PRH1: variants seen among roughly 807,000 people sequenced by gnomAD.
PRH1 encodes salivary acidic proline-rich phosphoprotein 1/2.
PRH1 carries 7 observed loss-of-function variants against 7.9 expected under a neutral mutation model. The ratio of observed to expected loss-of-function variants is 0.89; its 90% confidence interval spans 0.50 to 1.67. The LOEUF (loss-of-function observed/expected upper bound fraction) is 1.67. PRH1 is among the 40% of genes most tolerant of loss of function. The pLI is 0.00. For synonymous variants in PRH1, 45 were observed against 80.8 expected, an observed-to-expected ratio of 0.56 and a Z score of 2.38; for missense variants, 109 against 223.6, an observed-to-expected ratio of 0.49 and a Z score of 3.27.
rs778022556 is a variant in PRH1 at position 11,140,827 on chromosome 12, G to A, written n.40-19647C>T. Among the ~76,000 whole-genome samples, 12 of 152,228 alleles carry A rather than the reference G, an allele frequency of 7.9e-5. 1 individual carries two copies. In the Middle Eastern group the frequency reaches 0.01, roughly 129 times the overall value. On this transcript the variant is annotated intron_variant and non_coding_transcript_variant, in intron 1 of 1. Transcript: ENST00000541175. ...CCAATACATATATGACACATTGGTT[G>A]TATAGCCTGGTGAATGGAGCTTGAG... is the stretch of plus-strand genomic sequence containing the variant.
At chr12:11,150,308 T>C (rs1393452631) in intron 1 of PRH1, among the ~76,000 whole-genome samples, 10 of 152,004 alleles carry the variant, frequency 6.6e-5, no homozygotes, top group Non-Finnish European at 1.2e-4. Flanking sequence ...GACCCAGCCA[T>C]CCCATTACTG....
intron 2 of PRH1, among the ~76,000 whole-genome samples, chr12:10,922,844 C>T (rs1283650464): frequency 3.0e-5 from 1 of 33,468 alleles, no homozygotes; most frequent in Non-Finnish European, 9.1e-5. Context: ...TTTTTTGAGA[C>T]GGAGTCTCGC....
intron 1 of PRH1, among the ~76,000 whole-genome samples, chr12:11,020,877 A>G (rs750120407): frequency 1.6e-4 from 24 of 152,316 alleles, no homozygotes; most frequent in Admixed American, 4.6e-4. Context: ...ACTTGACATC[A>G]GATGTCAACT....
chr12:11,083,068 C>T (rs1245518984), intron 1 of PRH1, among the ~76,000 whole-genome samples: 1 of 116,426 alleles, frequency 8.6e-6, no homozygotes, highest in Non-Finnish European at 2.0e-5. Context: ...CATGTGTACA[C>T]ATGCATGGTA....
chr12:11,061,576 A>G, intron 1 of PRH1: 1 of 1,614,102 alleles, frequency 6.2e-7, no homozygotes, highest in Non-Finnish European at 8.5e-7. Flanking sequence ...CAGAAAGTAA[A>G]TGGCACATAA....
intron 1 of PRH1, chr12:10,986,342 A>G: frequency 6.2e-7 from 1 of 1,613,988 alleles, no homozygotes; most frequent in Admixed American, 1.7e-5. Flanking sequence ...AATATGAAAG[A>G]TGTACTGTAT....
intron 1 of PRH1, chr12:11,133,781 G>A (rs1304935806): frequency 5.6e-6 from 9 of 1,613,982 alleles, no homozygotes; most frequent in Non-Finnish European, 7.6e-6. Flanking sequence ...ATATTCTTTT[G>A]TCCATACAGT....
chr12:10,927,423 C>A (rs1950138391), intron 2 of PRH1, among the ~76,000 whole-genome samples: 1 of 152,150 alleles, frequency 6.6e-6, no homozygotes. Flanking sequence ...GCTTAAGCAC[C>A]TACCCTGTGC....
chr12:11,131,472 AAGTAGCTGG>A (rs1946337924), intron 1 of PRH1, among the ~76,000 whole-genome samples: 1 of 152,264 alleles, frequency 6.6e-6, no homozygotes, highest in South Asian at 2.1e-4. Context: ...CATTTTAGTA[AAGTAGCTGG>A]TTACTAACTC....
intron 2 of PRH1, among the ~76,000 whole-genome samples, chr12:10,954,593 A>G (rs1937860495): frequency 1.3e-5 from 2 of 152,160 alleles, no homozygotes; most frequent in Non-Finnish European, 1.5e-5. Flanking sequence ...TCAGCCTTGC[A>G]AGTACCTGGG....
At chr12:11,160,848 A>G (rs953966760) in intron 1 of PRH1, among the ~76,000 whole-genome samples, 21 of 152,248 alleles carry the variant, frequency 1.4e-4, no homozygotes, top group Admixed American at 1.0e-3. Context: ...CTTTCAAACT[A>G]CAAAAGTGAC....
chr12:10,890,408 T>G lies in PRH1; in HGVS notation c.-58-6133A>C, dbSNP rs912652412. On this transcript the variant is annotated intron_variant, in intron 2 of 3. Transcript: ENST00000539853. ...TGGTGTGTGTGTGTGTGTGTTTGTG[T>G]GTGTGTGTGTGCACTGTTTGTTCAA... is the stretch of plus-strand genomic sequence containing the variant. 3.9e-5 allele frequency among the ~76,000 whole-genome samples: 6 copies of G among 152,258 alleles called. No homozygotes were observed. The East Asian group carries it at 5.8e-4, about 15-fold the overall frequency.
chr12:10,880,997 G>A lies in PRH1; in HGVS notation c.*78C>T, dbSNP rs1249364338. ...CTGATTGTTTTATTGGTATACTGAAGTTAGAGCATGATGCCATGTTTCACG... is the reference window on the plus strand; with the variant it reads ...CTGATTGTTTTATTGGTATACTGAAATTAGAGCATGATGCCATGTTTCACG... On this transcript the variant is annotated 3_prime_UTR_variant, in exon 4 of 4. Coordinates refer to ENST00000543626, the MANE Select transcript of PRH1 (RefSeq NM_001393989.1). The A allele has an allele frequency of 1.8e-5, 3 of 170,650 alleles. No individual in the cohort carries two copies. The highest frequency in any genetic ancestry group is 4.0e-5 in the Non-Finnish European group (3 of 74,654). The allele number at this position is 170,650 out of a possible 1,614,324, so 10.6% of individuals were successfully genotyped here.
In PRH1 at chr12:11,093,660, G is replaced by A. The variant is rs538084781; in HGVS notation, n.124-46472C>T. ...CCTGAGTACCAGACCCTTTGATATA[G>A]AATCCTGCAGTATCCTCCTATCACA... On this transcript the variant is annotated intron_variant and non_coding_transcript_variant, in intron 1 of 4. Coordinates refer to the PRH1 transcript ENST00000541977. Among the ~76,000 whole-genome samples, 3 of 115,386 alleles carry A rather than the reference G, an allele frequency of 2.6e-5. No individual in the cohort carries two copies. In the East Asian group the frequency reaches 6.3e-4, roughly 24 times the overall value. The allele number at this position is 115,386 out of a possible 152,430, so 75.7% of individuals were successfully genotyped here. A position where few individuals can be genotyped will look rare whatever the true frequency, so the allele number is the denominator to read the frequency against.
At chr12:10,882,791 C>T (rs1489301653) in intron 2 of PRH1, 93 bp from the exon 3 acceptor site, 10 of 1,557,562 alleles carry the variant, frequency 6.4e-6, no homozygotes, top group Non-Finnish European at 8.7e-6. Context: ...CGGCCCCTCT[C>T]TGCCTGACCT....
intron 1 of PRH1, among the ~76,000 whole-genome samples, chr12:11,056,818 G>A (rs971668662): frequency 4.1e-5 from 6 of 144,934 alleles, no homozygotes; most frequent in East Asian, 2.0e-4. Flanking sequence ...ACTCCGTCTC[G>A]AGAAAACAAC....
rs1347809928 is a variant in PRH1, at chr12:11,028,772, C to T, written c.-126+18248G>A. Among the ~76,000 whole-genome samples the T allele has an allele frequency of 4.0e-5, 6 of 150,324 alleles. No individual in the cohort carries two copies. In the South Asian group the frequency reaches 6.4e-4, roughly 16 times the overall value. The stretch of plus-strand genomic sequence containing the variant: ...TTCTACCTTGTCTCCAACTCAGACA[C>T]CTGATACAGCTGCATCAAGACTATA... On this transcript the variant is annotated intron_variant, in intron 1 of 3. Coordinates refer to the PRH1 transcript ENST00000539853.
At chr12:10,993,767 C>G (rs1940060653) in intron 1 of PRH1, among the ~76,000 whole-genome samples, 1 of 149,650 alleles carries the variant, frequency 6.7e-6, no homozygotes, top group South Asian at 2.2e-4. Flanking sequence ...CTAGTCCAAG[C>G]TGCTGTGCTC....
At chr12:11,046,629 C>T (rs1942909202) in intron 1 of PRH1, among the ~76,000 whole-genome samples, 1 of 152,012 alleles carries the variant, frequency 6.6e-6, no homozygotes, top group African/African-American at 2.4e-5. Flanking sequence ...CTAGTATCTG[C>T]CTATTTTGTT....
Sources: gnomAD v4.1 joint callset for allele counts (sites outside exome capture counted in the v4.1 genomes callset) on GRCh38, gnomAD v4.1.1 for gene constraint, MANE v1.5 for transcripts, NCBI Gene and HGNC (gene_info 2026-07-23, HGNC 2026-07-21) for gene names.